ACADS: variants seen among roughly 807,000 people sequenced by gnomAD.
The protein encoded by ACADS is short-chain specific acyl-CoA dehydrogenase, mitochondrial.
Under a neutral mutation model 46.8 loss-of-function variants are expected in ACADS, and 28 were observed. That is an observed-to-expected ratio of 0.60 (90% CI 0.44 to 0.82). ACADS has a LOEUF of 0.82. Among genes scored for constraint, ACADS ranks in the 40% least tolerant of loss-of-function variants. ACADS has a pLI of 0.00. For synonymous variants in ACADS, 236 were observed against 237.7 expected, an observed-to-expected ratio of 0.99 and a Z score of 0.07; for missense variants, 528 against 578.0, an observed-to-expected ratio of 0.91 and a Z score of 0.89.
intron 1 of ACADS, 136 bp downstream of exon 1, chr12:120,726,067 A>C (rs1397349962): frequency 1.9e-5 from 17 of 918,454 alleles, no homozygotes; most frequent in Admixed American, 6.7e-5. Context: ...CCTTTGCCCC[A>C]GTTCTGCTGC....
intron 1 of ACADS, among the ~76,000 whole-genome samples, 168 bp from the exon 2 acceptor site, chr12:120,726,858 T>C (rs1287127706): frequency 4.6e-5 from 7 of 152,208 alleles, no homozygotes; most frequent in Non-Finnish European, 8.8e-5. Context: ...CCCTATCCAC[T>C]GGGTACCAAT....
intron 2 of ACADS, among the ~76,000 whole-genome samples, chr12:120,732,118 G>A (rs887898250): frequency 1.3e-5 from 2 of 152,144 alleles, no homozygotes; most frequent in African/African-American, 4.8e-5. Context: ...AACTGCCATC[G>A]TCATCATGGC....
rs1371625643 is a variant in ACADS, at chr12:120,728,051, C to T, written c.210+862C>T. On this transcript the variant is annotated intron_variant, in intron 2 of 9. Coordinates refer to ENST00000242592, the MANE Select transcript of ACADS (RefSeq NM_000017.4). This position sits in a 1 kb window ranked among gnomAD's most constrained non-coding sequence, Gnocchi z 4.0. Reference sequence around the variant, plus strand: ...CACCCCTCTGCCTCCTGGGTTCAAGCAATTCTCCTGCCTCGGCCCCCAGTA... The same window carrying T: ...CACCCCTCTGCCTCCTGGGTTCAAGTAATTCTCCTGCCTCGGCCCCCAGTA... 4.6e-5 allele frequency among the ~76,000 whole-genome samples: 7 copies of T among 151,964 alleles called. No homozygotes were observed.
At chr12:120,726,597 C>T (rs949110151) in intron 1 of ACADS, among the ~76,000 whole-genome samples, 1 of 152,224 alleles carries the variant, frequency 6.6e-6, no homozygotes, top group Non-Finnish European at 1.5e-5. Context: ...TACTATTCGC[C>T]TCCACTTGTT....
At position 120,739,714 on chromosome 12, in the gene ACADS, G is replaced by A. The variant is rs537512881; in HGVS notation, c.*266G>A. 8 of 541,014 alleles carry A rather than the reference G, an allele frequency of 1.5e-5. No individual in the cohort carries two copies. The highest frequency in any genetic ancestry group is 1.0e-4 in the South Asian group (5 of 47,692). 33.5% of individuals were successfully genotyped at this position (541,014 alleles called of 1,614,324 possible). A position where few individuals can be genotyped will look rare whatever the true frequency, so the allele number is the denominator to read the frequency against. ...CCTCCTGGGGGCGGGGTTGTGGGGG[G>A]GCTGAGCGACACTCAGGGACACCTC... On this transcript the variant is annotated 3_prime_UTR_variant, in exon 10 of 10. Coordinates refer to ENST00000242592, the MANE Select transcript of ACADS (RefSeq NM_000017.4).
At position 120,738,646 on chromosome 12, in the gene ACADS, C is replaced by T; in HGVS notation, c.909C>T (p.Pro303=). 1 of 1,612,642 alleles carries T rather than the reference C, an allele frequency of 6.2e-7. No homozygotes were observed. Residue 303 remains proline, a synonymous_variant, in exon 7 of 10, where the codon CCC becomes CCT. Coordinates refer to ENST00000242592, the MANE Select transcript of ACADS (RefSeq NM_000017.4). ...AGAATCGCATGGCCTTCGGGGCGCC[C>T]CTCACCAAGCTCCAGGTCATCCAGG... The part of the protein sequence containing the change: ...YAENRMAFGA[P]LTKLQVIQFK...
At chr12:120,726,546 A>G (rs1434296309) in intron 1 of ACADS, among the ~76,000 whole-genome samples, 2 of 152,126 alleles carry the variant, frequency 1.3e-5, no homozygotes, top group Non-Finnish European at 2.9e-5. Flanking sequence ...GAACTGTGTT[A>G]AGCGCTAGTT....
At position 120,738,571 on chromosome 12, in the gene ACADS, G is replaced by C; in HGVS notation, c.834G>C (p.Gln278His). 1 of 1,612,322 alleles carries C rather than the reference G, an allele frequency of 6.2e-7. No homozygotes were observed. The highest frequency in any genetic ancestry group is 8.5e-7 in the Non-Finnish European group (1 of 1,180,018). The stretch of plus-strand genomic sequence containing the variant: ...TGGGCCGCATCGGCATCGCCTCCCA[G>C]GCCCTGGGCATTGCCCAGACCGCCC... ...LDMGRIGIAS[Q>H]ALGIAQTALD... Residue 278 changes from glutamine to histidine, a missense_variant, in exon 7 of 10, where the codon CAG becomes CAC. Coordinates refer to ENST00000242592, the MANE Select transcript of ACADS (RefSeq NM_000017.4).
rs910511578 is a variant in ACADS, at chr12:120,728,961, A to T, written c.210+1772A>T. 1.3e-5 allele frequency among the ~76,000 whole-genome samples: 2 copies of T among 152,070 alleles called. No homozygotes were observed. Among genetic ancestry groups the T allele is most frequent in the African/African-American group, 4.8e-5 (2 of 41,394 alleles). On this transcript the variant is annotated intron_variant, in intron 2 of 9. Transcript: ENST00000242592. The surrounding 1 kb of genome is among the most constrained non-coding windows in gnomAD (Gnocchi z 4.0). ...ACAGTTTCTTACGGTTTCTCTTGGG[A>T]GTCTGGAGACCACCAGGCTCAGCCT...
At position 120,728,344 on chromosome 12, in the gene ACADS, T is replaced by C. The variant is rs1883153221; in HGVS notation, c.210+1155T>C. Among the ~76,000 whole-genome samples, 1 of 152,120 alleles carries C rather than the reference T, an allele frequency of 6.6e-6. No individual in the cohort carries two copies. Among genetic ancestry groups the C allele is most frequent in the African/African-American group, 2.4e-5 (1 of 41,420 alleles). On this transcript the variant is annotated intron_variant, in intron 2 of 9. Coordinates refer to ENST00000242592, the MANE Select transcript of ACADS (RefSeq NM_000017.4). This position sits in a 1 kb window ranked among gnomAD's most constrained non-coding sequence, Gnocchi z 4.0. ...CATTCAGTCTGTCTGCAGCTACGCG[T>C]TGAAGATGTTACTGCCGTACACGCT...
chr12:120,739,556 C>A lies in ACADS; in HGVS notation c.*108C>A. On this transcript the variant is annotated 3_prime_UTR_variant, in exon 10 of 10. Transcript: ENST00000242592. ...GCCCGGCGGGGGCTCCCTGGGGACC[C>A]CAGATGGGCTCAGTGCTGCCACCCA... 1 of 1,359,010 alleles carries A rather than the reference C, an allele frequency of 7.4e-7. No individual in the cohort carries two copies. The highest frequency in any genetic ancestry group is 1.0e-6 in the Non-Finnish European group (1 of 993,576). 84.2% of individuals were successfully genotyped at this position (1,359,010 alleles called of 1,614,324 possible). A position where few individuals can be genotyped will look rare whatever the true frequency, so the allele number is the denominator to read the frequency against.
In ACADS at chr12:120,739,513, C is replaced by CGGCTCA; in HGVS notation, c.*67_*72dup. 9 of 1,573,042 alleles carry CGGCTCA rather than the reference C, an allele frequency of 5.7e-6. 1 individual carries two copies. The South Asian group carries it at 1.0e-4, about 18-fold the overall frequency. ...GAGCCAGGGGCCTCCACCCCAACCC[C>CGGCTCA]GGCTCAGAGACTGGGCGGCCCGGCG... is the stretch of plus-strand genomic sequence containing the variant. On this transcript the variant is annotated 3_prime_UTR_variant, in exon 10 of 10. Transcript: ENST00000242592.
At position 120,737,105 on chromosome 12, in the gene ACADS, C is replaced by A; in HGVS notation, c.330C>A (p.Ala110=). The change falls in exon 3 of 10, where the codon GCC becomes GCA. Residue 110 remains alanine (A), a synonymous_variant. Transcript: ENST00000242592. The part of the protein sequence containing the change: ...IAMEEISRGC[A]STGVIMSVNN... Reference sequence around the variant, plus strand: ...TGGAGGAGATCAGCCGTGGCTGCGCCTCCACCGGAGTCATCATGAGTGTCA... The same window carrying A: ...TGGAGGAGATCAGCCGTGGCTGCGCATCCACCGGAGTCATCATGAGTGTCA... The A allele has an allele frequency of 6.3e-7, 1 of 1,592,322 alleles. No individual in the cohort carries two copies.
intron 2 of ACADS, among the ~76,000 whole-genome samples, chr12:120,729,405 C>T (rs560284608): frequency 6.6e-6 from 1 of 151,608 alleles, no homozygotes; most frequent in African/African-American, 2.4e-5. Flanking sequence ...CTACAGGTGC[C>T]CGCCACCATG....
chr12:120,725,873 GTGTC>G lies in ACADS; in HGVS notation c.-8_-5del. 2 of 1,548,230 alleles carry G rather than the reference GTGTC, an allele frequency of 1.3e-6. No individual in the cohort carries two copies. Among genetic ancestry groups the G allele is most frequent in the African/African-American group, 1.4e-5 (1 of 72,138 alleles). ...GCGGGAGGTCGCGAAGCCTGGGACT[GTGTC>G]TGTCGCCCATGGCCGCCGCGCTGCT... On this transcript the variant is annotated 5_prime_UTR_variant, in exon 1 of 10. Coordinates refer to ENST00000242592, the MANE Select transcript of ACADS (RefSeq NM_000017.4).
chr12:120,738,557 G>A lies in ACADS; in HGVS notation c.820G>A (p.Gly274Ser), dbSNP rs746368198. 50 of 1,611,154 alleles carry A rather than the reference G, an allele frequency of 3.1e-5. No homozygotes were observed. The highest frequency in any genetic ancestry group is 4.0e-5 in the Non-Finnish European group (47 of 1,179,950). Residue 274 changes from glycine to serine, a missense_variant, in exon 7 of 10, where the codon GGC (glycine) becomes AGC (serine). Transcript: ENST00000242592. ...AMQTLDMGRI[G>S]IASQALGIAQ... ...GCAAACCCTGGACATGGGCCGCATC[G>A]GCATCGCCTCCCAGGCCCTGGGCAT...
chr12:120,730,499 G>A (rs1324044429), intron 2 of ACADS, among the ~76,000 whole-genome samples: 1 of 152,126 alleles, frequency 6.6e-6, no homozygotes, highest in Non-Finnish European at 1.5e-5. Context: ...CTTGCCTCCT[G>A]GTGGCCTAGA....
rs140372512 is a variant in ACADS at position 120,739,099 on chromosome 12, G to T, written c.1030-41G>T. On this transcript the variant is annotated intron_variant, in intron 8 of 9. Transcript: ENST00000242592. ...GAGTGGGGGAGCAGGGGATGGAGGG[G>T]TCCCCTCAAGGGAAGGCTCTGACTG... is the stretch of plus-strand genomic sequence containing the variant. 4.3e-6 allele frequency: 7 copies of T among 1,612,648 alleles called. No homozygotes were observed. The East Asian group carries it at 1.3e-4, about 31-fold the overall frequency.
Position 120,739,452 on chromosome 12 carries a change from C to A in ACADS, c.*4C>A. The A allele has an allele frequency of 1.9e-6, 3 of 1,606,910 alleles. No individual in the cohort carries two copies. The highest frequency in any genetic ancestry group is 2.5e-6 in the Non-Finnish European group (3 of 1,179,074). The stretch of plus-strand genomic sequence containing the variant: ...GCTCAGGAGCTACCGGAGCTGAGCC[C>A]GCGGCGGACTGCCCCAGGACTGCGG... On this transcript the variant is annotated 3_prime_UTR_variant, in exon 10 of 10. Coordinates refer to ENST00000242592, the MANE Select transcript of ACADS (RefSeq NM_000017.4).
Sources: gnomAD v4.1 joint callset for allele counts (sites outside exome capture counted in the v4.1 genomes callset) on GRCh38, gnomAD v4.1.1 for gene constraint, Gnocchi (gnomAD v3.1) non-coding constraint, MANE v1.5 for transcripts, NCBI Gene and HGNC (gene_info 2026-07-23, HGNC 2026-07-21) for gene names.